FSTL4: variants seen among roughly 807,000 people sequenced by gnomAD.
FSTL4 encodes follistatin-related protein 4.
Under a neutral mutation model 78.2 loss-of-function variants are expected in FSTL4, and 28 were observed. The observed-to-expected ratio is 0.36, with a 90% CI of 0.27 to 0.49. The LOEUF (loss-of-function observed/expected upper bound fraction) is 0.49. FSTL4 is among the 20% of genes least tolerant of loss of function. The probability of loss-of-function intolerance (pLI) is 0.98; values close to 1 mark genes in which losing one functional copy is unlikely to be tolerated. For synonymous variants in FSTL4, 422 were observed against 440.5 expected, an observed-to-expected ratio of 0.96 and a Z score of 0.53; for missense variants, 922 against 1,084.9, an observed-to-expected ratio of 0.85 and a Z score of 2.11.
rs572591752 is a variant in FSTL4, at chr5:133,448,749, G to A, written c.161-47763C>T. Among the ~76,000 whole-genome samples the A allele has an allele frequency of 3.6e-5, 5 of 140,378 alleles. 1 individual carries two copies. In the South Asian group the frequency reaches 7.9e-4, roughly 22 times the overall value. The allele number at this position is 140,378 out of a possible 152,430, so 92.1% of individuals were successfully genotyped here. A position where few individuals can be genotyped will look rare whatever the true frequency, so the allele number is the denominator to read the frequency against. ...CCAGGGGTGCGGGGGCGGGGGGGGG[G>A]GGCGCTCAGAATTTTCCGCCTTTTG... On this transcript the variant is annotated intron_variant, in intron 3 of 15. Coordinates refer to ENST00000265342, the MANE Select transcript of FSTL4 (RefSeq NM_015082.2).
intron 3 of FSTL4, among the ~76,000 whole-genome samples, chr5:133,515,605 T>C (rs1758836189): frequency 6.6e-6 from 1 of 150,944 alleles, no homozygotes; most frequent in Non-Finnish European, 1.5e-5. Flanking sequence ...CATATTATAA[T>C]AACTATAAAT....
At chr5:133,830,447 G>A in the FSTL4 span, among the ~76,000 whole-genome samples, 2 of 152,178 alleles carry the variant, frequency 1.3e-5, no homozygotes, top group Admixed American at 6.5e-5. Context: ...TTGCCAACAA[G>A]GGCACAGGGC....
intron 6 of FSTL4, among the ~76,000 whole-genome samples, chr5:133,294,489 A>G (rs1935920139): frequency 6.6e-6 from 1 of 152,074 alleles, no homozygotes; most frequent in South Asian, 2.1e-4. Flanking sequence ...TGCTGCAGTC[A>G]CCTGCTGACT....
chr5:133,528,990 G>A (rs1214067284), intron 3 of FSTL4, among the ~76,000 whole-genome samples: 1 of 152,170 alleles, frequency 6.6e-6, no homozygotes, highest in Non-Finnish European at 1.5e-5. Context: ...CCATGAGAAC[G>A]TCCCACAGGC....
At chr5:133,758,972 T>G in the FSTL4 span, among the ~76,000 whole-genome samples, 1 of 152,242 alleles carries the variant, frequency 6.6e-6, no homozygotes, top group African/African-American at 2.4e-5. Context: ...GGATGGAAAC[T>G]GCAAGTTCTT....
rs147545561 is a variant in FSTL4, at chr5:133,224,116, C to T, written c.1339+74G>A. On this transcript the variant is annotated intron_variant, in intron 11 of 15. Coordinates refer to ENST00000265342, the MANE Select transcript of FSTL4 (RefSeq NM_015082.2). ...TTGTGTGGGAAAGCTGGTGGCAGAT[C>T]ATGGAAAGACGGCCCATCATAGAAC... 49 of 1,205,726 alleles carry T rather than the reference C, an allele frequency of 4.1e-5. No homozygotes were observed. In the East Asian group the frequency reaches 1.1e-3, roughly 28 times the overall value. 74.7% of individuals were successfully genotyped at this position (1,205,726 alleles called of 1,614,324 possible). A position where few individuals can be genotyped will look rare whatever the true frequency, so the allele number is the denominator to read the frequency against.
intron 4 of FSTL4, among the ~76,000 whole-genome samples, chr5:133,367,967 TC>T (rs1447455026): frequency 6.6e-6 from 1 of 152,240 alleles, no homozygotes; most frequent in African/African-American, 2.4e-5. Flanking sequence ...AGGATCAAGA[TC>T]CCAGAGTCTA....
chr5:133,215,904 T>C (rs1750891076), intron 13 of FSTL4, among the ~76,000 whole-genome samples: 1 of 152,194 alleles, frequency 6.6e-6, no homozygotes, highest in South Asian at 2.1e-4. Context: ...CTCCCTCTTA[T>C]AAGGACATTT....
Position 133,375,291 on chromosome 5 carries a change from C to CATATATATATATATATATATATATACAT in FSTL4, c.409+25446_409+25447insATGTATATATATATATATATATATATAT, listed in dbSNP as rs3975738. On this transcript the variant is annotated intron_variant, in intron 4 of 15. Coordinates refer to ENST00000265342, the MANE Select transcript of FSTL4 (RefSeq NM_015082.2). ...AACCCAAAACATAGGGTGTGCATGG[C>CATATATATATATATATATATATATACAT]ATATATATATATATATATATAAAAG... is the stretch of plus-strand genomic sequence containing the variant. 8.6e-5 allele frequency among the ~76,000 whole-genome samples: 5 copies of CATATATATATATATATATATATATACAT among 57,918 alleles called. 1 individual carries two copies. Among genetic ancestry groups the CATATATATATATATATATATATATACAT allele is most frequent in the Non-Finnish European group, 2.3e-4 (5 of 21,842 alleles). 38.0% of individuals were successfully genotyped at this position (57,918 alleles called of 152,430 possible). A position where few individuals can be genotyped will look rare whatever the true frequency, so the allele number is the denominator to read the frequency against.
intron 3 of FSTL4, among the ~76,000 whole-genome samples, chr5:133,486,582 C>T (rs562684528): frequency 7.0e-4 from 107 of 152,214 alleles, no homozygotes; most frequent in Non-Finnish European, 1.2e-3. Flanking sequence ...ATGAAAAATC[C>T]ATCACCCGAC....
chr5:133,249,287 A>G lies in FSTL4; in HGVS notation c.894+123T>C, dbSNP rs60909785. On this transcript the variant is annotated intron_variant, in intron 7 of 15. Coordinates refer to ENST00000265342, the MANE Select transcript of FSTL4 (RefSeq NM_015082.2). ...ACTGCCAAGCTGACAACAGGCTAGA[A>G]AAGCACCAAACACAGGATGTTAAAC... is the stretch of plus-strand genomic sequence containing the variant. 4.5e-3 allele frequency: 3,430 copies of G among 763,664 alleles called. 90 individuals are homozygous for G. The African/African-American group carries it at 0.05, about 11-fold the overall frequency. The allele number at this position is 763,664 out of a possible 1,614,324, so 47.3% of individuals were successfully genotyped here. A position where few individuals can be genotyped will look rare whatever the true frequency, so the allele number is the denominator to read the frequency against.
intron 4 of FSTL4, among the ~76,000 whole-genome samples, chr5:133,347,144 G>A (rs980022814): frequency 1.3e-5 from 2 of 152,138 alleles, no homozygotes; most frequent in African/African-American, 2.4e-5. Context: ...CCGTTTGTCT[G>A]CTGCATTGTG....
the FSTL4 span, among the ~76,000 whole-genome samples, chr5:133,664,669 T>C: frequency 2.8e-4 from 42 of 152,254 alleles, no homozygotes; most frequent in Non-Finnish European, 2.2e-4. Context: ...TGCAGCTTTG[T>C]CAGTGTTTGG....
intron 4 of FSTL4, among the ~76,000 whole-genome samples, chr5:133,328,794 G>A (rs1754274598): frequency 6.6e-6 from 1 of 152,148 alleles, no homozygotes; most frequent in Admixed American, 6.5e-5. Flanking sequence ...ATGGGAGTGT[G>A]GGTGCCTTCT....
At chr5:133,629,315 T>C in the FSTL4 span, among the ~76,000 whole-genome samples, 1 of 152,002 alleles carries the variant, frequency 6.6e-6, no homozygotes, top group African/African-American at 2.4e-5. Context: ...CATGGGGATA[T>C]CACCACTATT....
At chr5:133,790,726 C>G in the FSTL4 span, among the ~76,000 whole-genome samples, 1 of 152,172 alleles carries the variant, frequency 6.6e-6, no homozygotes, top group Non-Finnish European at 1.5e-5. Flanking sequence ...ACTGCTGAGG[C>G]TAAAACTGTG....
chr5:133,401,070 C>T, intron 3 of FSTL4, 84 bp from the exon 4 acceptor site: 1 of 1,508,794 alleles, frequency 6.6e-7, no homozygotes, highest in Non-Finnish European at 9.1e-7. Flanking sequence ...CTCACAAGCA[C>T]AGACTCCATT....
chr5:133,705,753 C>T, the FSTL4 span, among the ~76,000 whole-genome samples: 64 of 152,172 alleles, frequency 4.2e-4, no homozygotes, highest in African/African-American at 1.5e-3. Flanking sequence ...AGTTCCCATC[C>T]AGAGCCCTTT....
At chr5:133,767,600 A>C in the FSTL4 span, among the ~76,000 whole-genome samples, 1 of 152,204 alleles carries the variant, frequency 6.6e-6, no homozygotes, top group Non-Finnish European at 1.5e-5. Context: ...ACTTGACCAT[A>C]GTACAAATGA....
Sources: gnomAD v4.1 joint callset for allele counts (sites outside exome capture counted in the v4.1 genomes callset) on GRCh38, gnomAD v4.1.1 for gene constraint, MANE v1.5 for transcripts, NCBI Gene and HGNC (gene_info 2026-07-23, HGNC 2026-07-21) for gene names.